Variants in WNK1 observed in about 807,000 individuals in gnomAD.
The protein encoded by WNK1 is serine/threonine-protein kinase WNK1.
In WNK1, 38 loss-of-function variants were observed where a neutral mutation model predicts 222.8. The ratio of observed to expected loss-of-function variants is 0.17; its 90% confidence interval spans 0.13 to 0.22. The LOEUF (loss-of-function observed/expected upper bound fraction) is 0.22, where lower values mean the gene tolerates loss of function less well. Ranked by LOEUF, WNK1 falls within the 10% of genes least tolerant of loss-of-function variation. The pLI, the probability that WNK1 is intolerant of heterozygous loss-of-function variation, is 1.00. For missense variants in WNK1, 2,348 were observed against 2,918.4 expected (o/e 0.80, Z 4.50); for synonymous variants, 1,090 against 1,092.9 (o/e 1.00, Z 0.05).
intron 25 of WNK1, among the ~76,000 whole-genome samples, chr12:899,173 G>A (rs559231928): frequency 6.6e-6 from 1 of 152,330 alleles, no homozygotes; most frequent in African/African-American, 2.4e-5. Context: ...CTTCTTAGCA[G>A]TTCCATTCTC....
chr12:786,704 T>C (rs1944342389), intron 1 of WNK1, among the ~76,000 whole-genome samples: 1 of 152,186 alleles, frequency 6.6e-6, no homozygotes, highest in South Asian at 2.1e-4. Flanking sequence ...TTACCTCAGG[T>C]GATCCACCCA....
chr12:822,608 T>C (rs1947993141), intron 2 of WNK1, among the ~76,000 whole-genome samples: 1 of 152,202 alleles, frequency 6.6e-6, no homozygotes, highest in Non-Finnish European at 1.5e-5. Flanking sequence ...CCTGAATTGA[T>C]ACCAACTTAG....
At chr12:815,289 T>A (rs1016222652) in intron 2 of WNK1, among the ~76,000 whole-genome samples, 2 of 152,240 alleles carry the variant, frequency 1.3e-5, no homozygotes, top group African/African-American at 4.8e-5. Context: ...TGGATATTTT[T>A]AAATTATCAC....
At chr12:877,480 C>G (rs1341831704) in intron 9 of WNK1, among the ~76,000 whole-genome samples, 1 of 152,126 alleles carries the variant, frequency 6.6e-6, no homozygotes, top group Admixed American at 6.5e-5. Flanking sequence ...CAGTTATGTT[C>G]CATGCATTAA....
intron 19 of WNK1, 95 bp downstream of exon 19, chr12:886,179 CATATTT>C: frequency 1.8e-6 from 2 of 1,124,808 alleles, no homozygotes; most frequent in Non-Finnish European, 2.5e-6. Context: ...AAGTTAGAAA[CATATTT>C]ATAAAGGTAC....
At chr12:799,571 T>A (rs1945675163) in intron 1 of WNK1, among the ~76,000 whole-genome samples, 1 of 152,208 alleles carries the variant, frequency 6.6e-6, no homozygotes, top group Non-Finnish European at 1.5e-5. Flanking sequence ...TTGGGCAGGG[T>A]GGCTTACACC....
At chr12:864,110 G>GTTTTT (rs372936466) in intron 8 of WNK1, among the ~76,000 whole-genome samples, 1 of 124,578 alleles carries the variant, frequency 8.0e-6, no homozygotes, top group African/African-American at 3.0e-5. Context: ...ATTTTTTTAA[G>GTTTTT]TTTTTTTTTT....
At chr12:769,516 G>C (rs1268376795) in intron 1 of WNK1, among the ~76,000 whole-genome samples, 1 of 152,062 alleles carries the variant, frequency 6.6e-6, no homozygotes, top group Admixed American at 6.6e-5. Context: ...CTGCATCCTT[G>C]TTATTAACAT....
intron 1 of WNK1, among the ~76,000 whole-genome samples, chr12:787,294 T>C (rs1944401723): frequency 1.3e-5 from 2 of 152,196 alleles, no homozygotes; most frequent in South Asian, 4.1e-4. Context: ...CATCCATTTC[T>C]TTTTTGGTTA....
intron 4 of WNK1, among the ~76,000 whole-genome samples, chr12:832,450 T>C (rs943212083): frequency 6.6e-6 from 1 of 152,248 alleles, no homozygotes; most frequent in African/African-American, 2.4e-5. Flanking sequence ...GGAGAAATCT[T>C]TGGAGTCAAA....
intron 4 of WNK1, among the ~76,000 whole-genome samples, chr12:846,429 C>T (rs1950029648): frequency 6.6e-6 from 1 of 152,136 alleles, no homozygotes; most frequent in African/African-American, 2.4e-5. Context: ...TGAACTGGAG[C>T]AGTACACAAG....
intron 4 of WNK1, among the ~76,000 whole-genome samples, chr12:838,580 A>AT (rs1949381738): frequency 1.3e-5 from 2 of 151,766 alleles, no homozygotes; most frequent in Admixed American, 6.6e-5. Context: ...ATGCTGGCTA[A>AT]TTTTTTTGTA....
chr12:777,373 T>A (rs1943233170), intron 1 of WNK1, among the ~76,000 whole-genome samples: 2 of 152,068 alleles, frequency 1.3e-5, no homozygotes, highest in South Asian at 2.1e-4. Context: ...TTGGCCAGGA[T>A]GGTCTCATTC....
At chr12:787,042 T>G (rs1182838019) in intron 1 of WNK1, among the ~76,000 whole-genome samples, 1 of 152,200 alleles carries the variant, frequency 6.6e-6, no homozygotes, top group Non-Finnish European at 1.5e-5. Context: ...ATTTTACACC[T>G]AGTAGTCTAT....
At chr12:895,273 G>T (rs1954640284) in intron 23 of WNK1, among the ~76,000 whole-genome samples, 1 of 152,064 alleles carries the variant, frequency 6.6e-6, no homozygotes, top group South Asian at 2.1e-4. Flanking sequence ...GTAAATACAT[G>T]GACAAACCAG....
intron 2 of WNK1, among the ~76,000 whole-genome samples, chr12:824,216 CTTTTTT>C (rs1207566592): frequency 7.9e-6 from 1 of 126,128 alleles, no homozygotes; most frequent in Non-Finnish European, 1.7e-5. Context: ...GCAGAGACAT[CTTTTTT>C]TTTTTTTTTT....
At chr12:838,471 G>A (rs1949372983) in intron 4 of WNK1, among the ~76,000 whole-genome samples, 1 of 152,076 alleles carries the variant, frequency 6.6e-6, no homozygotes, top group Non-Finnish European at 1.5e-5. Flanking sequence ...CTGGAGTGCA[G>A]TGGCACAATC....
chr12:764,126 A>G (rs1311515742), intron 1 of WNK1, among the ~76,000 whole-genome samples: 1 of 147,440 alleles, frequency 6.8e-6, no homozygotes, highest in Admixed American at 6.7e-5. Flanking sequence ...GAGATACGCT[A>G]GGGAGAGGAT....
intron 4 of WNK1, among the ~76,000 whole-genome samples, chr12:839,761 A>C (rs1046529253): frequency 2.0e-5 from 3 of 152,046 alleles, no homozygotes; most frequent in Non-Finnish European, 4.4e-5. Context: ...TCTGTCTTTC[A>C]GGCAGGAGTG....
Sources: gnomAD v4.1 joint callset for allele counts (sites outside exome capture counted in the v4.1 genomes callset) on GRCh38, gnomAD v4.1.1 for gene constraint, MANE v1.5 for transcripts, NCBI Gene and HGNC (gene_info 2026-07-23, HGNC 2026-07-21) for gene names.